Variants in CALML3 observed in about 807,000 individuals in gnomAD.
CALML3 encodes calmodulin-like protein 3.
For synonymous variants in CALML3, 98 were observed against 89.9 expected (o/e 1.09, Z -0.51); for missense variants, 198 against 214.1 (o/e 0.92, Z 0.47).
In CALML3 at chr10:5,525,544, C is replaced by T. The variant is rs751701412; in HGVS notation, c.*9C>T. The T allele has an allele frequency of 1.9e-6, 3 of 1,575,612 alleles. No homozygotes were observed. The Admixed American group carries it at 5.2e-5, about 27-fold the overall frequency. On this transcript the variant is annotated 3_prime_UTR_variant, in exon 1 of 1. Coordinates refer to ENST00000315238, the MANE Select transcript of CALML3 (RefSeq NM_005185.4). Reference sequence around the variant, plus strand: ...TGCTGGTGTCCAAGTGAGGCCGGCGCCCACCATGCTCCTGGGCGCCCACGC... The same window carrying T: ...TGCTGGTGTCCAAGTGAGGCCGGCGTCCACCATGCTCCTGGGCGCCCACGC...
chr10:5,525,545 C>A lies in CALML3; in HGVS notation c.*10C>A, dbSNP rs1174076117. On this transcript the variant is annotated 3_prime_UTR_variant, in exon 1 of 1. Transcript: ENST00000315238. ...GCTGGTGTCCAAGTGAGGCCGGCGC[C>A]CACCATGCTCCTGGGCGCCCACGCG... 1 of 1,572,580 alleles carries A rather than the reference C, an allele frequency of 6.4e-7. No individual in the cohort carries two copies. The highest frequency in any genetic ancestry group is 1.7e-5 in the Admixed American group (1 of 57,606).
In CALML3 at chr10:5,525,100, G is replaced by C; in HGVS notation, c.15G>C (p.Leu5=). ...CCACCCCTGGCATGGCCGACCAGCTGACTGAGGAGCAGGTCACAGAATTCA... is the reference window on the plus strand; with the variant it reads ...CCACCCCTGGCATGGCCGACCAGCTCACTGAGGAGCAGGTCACAGAATTCA... MADQ[L]TEEQVTEFKE... Residue 5 remains leucine, a synonymous_variant, in exon 1 of 1, where the codon CTG becomes CTC. Transcript: ENST00000315238. 1 of 1,603,848 alleles carries C rather than the reference G, an allele frequency of 6.2e-7. No individual in the cohort carries two copies. Among genetic ancestry groups the C allele is most frequent in the South Asian group, 1.1e-5 (1 of 90,478 alleles).
rs1318997375 is a variant in CALML3 at position 5,525,246 on chromosome 10, G to A, written c.161G>A (p.Ser54Asn). The A allele has an allele frequency of 6.2e-7, 1 of 1,613,968 alleles. No individual in the cohort carries two copies. Among genetic ancestry groups the A allele is most frequent in the South Asian group, 1.1e-5 (1 of 91,076 alleles). Residue 54 changes from serine to asparagine, a missense_variant, in exon 1 of 1, where the codon AGT (serine) becomes AAT (asparagine). Physicochemically the swap from Ser to Asn is conservative, Grantham distance 46. Coordinates refer to ENST00000315238, the MANE Select transcript of CALML3 (RefSeq NM_005185.4). ...PTEAELRDMMSEIDRDGNGTV... is the reference protein window; with the variant it reads ...PTEAELRDMMNEIDRDGNGTV... ...GAGGCCGAGCTGCGGGACATGATGA[G>A]TGAGATCGACCGGGACGGCAACGGC...
chr10:5,525,857 C>T lies in CALML3; in HGVS notation c.*322C>T. The T allele has an allele frequency of 9.7e-7, 1 of 1,034,602 alleles. No individual in the cohort carries two copies. The highest frequency in any genetic ancestry group is 4.7e-5 in the East Asian group (1 of 21,460). 64.1% of individuals were successfully genotyped at this position (1,034,602 alleles called of 1,614,324 possible). A position where few individuals can be genotyped will look rare whatever the true frequency, so the allele number is the denominator to read the frequency against. On this transcript the variant is annotated 3_prime_UTR_variant, in exon 1 of 1. Transcript: ENST00000315238. ...GCGCTGACTCTGCGGCCCTCCAGGA[C>T]GGACACCGGGTGACCCCTTAGGGCA...
At position 5,524,961 on chromosome 10, in the gene CALML3, G is replaced by A. The variant is rs1366145067; in HGVS notation, c.-125G>A. ...AAGCTCCAGCGTCTCAAGCCAGGGC[G>A]AGACAGCCCGCCGGCCGCCCGGATC... On this transcript the variant is annotated 5_prime_UTR_variant, in exon 1 of 1. Coordinates refer to ENST00000315238, the MANE Select transcript of CALML3 (RefSeq NM_005185.4). 1 of 675,074 alleles carries A rather than the reference G, an allele frequency of 1.5e-6. No homozygotes were observed. Among genetic ancestry groups the A allele is most frequent in the Non-Finnish European group, 2.5e-6 (1 of 401,348 alleles). 41.8% of individuals were successfully genotyped at this position (675,074 alleles called of 1,614,324 possible). A position where few individuals can be genotyped will look rare whatever the true frequency, so the allele number is the denominator to read the frequency against.
Position 5,525,774 on chromosome 10 carries a change from C to T in CALML3, c.*239C>T. On this transcript the variant is annotated 3_prime_UTR_variant, in exon 1 of 1. Transcript: ENST00000315238. ...CGCTCCCACTGCAGGCAAACCGTGA[C>T]GCCCTCCCCACTCGGGAGAAGCAGA... is the stretch of plus-strand genomic sequence containing the variant. The T allele has an allele frequency of 2.8e-6, 4 of 1,413,752 alleles. No individual in the cohort carries two copies. Among genetic ancestry groups the T allele is most frequent in the African/African-American group, 1.4e-5 (1 of 69,194 alleles). 87.6% of individuals were successfully genotyped at this position (1,413,752 alleles called of 1,614,324 possible).
Position 5,525,564 on chromosome 10 carries a change from C to T in CALML3, c.*29C>T, listed in dbSNP as rs984625559. 6.5e-7 allele frequency: 1 copy of T among 1,541,774 alleles called. No homozygotes were observed. Among genetic ancestry groups the T allele is most frequent in the African/African-American group, 1.4e-5 (1 of 73,780 alleles). On this transcript the variant is annotated 3_prime_UTR_variant, in exon 1 of 1. Coordinates refer to ENST00000315238, the MANE Select transcript of CALML3 (RefSeq NM_005185.4). ...CGGCGCCCACCATGCTCCTGGGCGC[C>T]CACGCGGCCCACAGGGCAAGAACCC...
Position 5,525,755 on chromosome 10 carries a change from C to T in CALML3, c.*220C>T, listed in dbSNP as rs1012815371. On this transcript the variant is annotated 3_prime_UTR_variant, in exon 1 of 1. Transcript: ENST00000315238. ...TCGTCTGAATGACACGGAACGCTCC[C>T]ACTGCAGGCAAACCGTGACGCCCTC... 1.4e-6 allele frequency: 2 copies of T among 1,430,708 alleles called. No individual in the cohort carries two copies. Among genetic ancestry groups the T allele is most frequent in the Admixed American group, 2.9e-5 (1 of 34,210 alleles). The allele number at this position is 1,430,708 out of a possible 1,614,324, so 88.6% of individuals were successfully genotyped here. A position where few individuals can be genotyped will look rare whatever the true frequency, so the allele number is the denominator to read the frequency against.
In CALML3 at chr10:5,525,011, A is replaced by T; in HGVS notation, c.-75A>T. 2 of 1,155,698 alleles carry T rather than the reference A, an allele frequency of 1.7e-6. No homozygotes were observed. The highest frequency in any genetic ancestry group is 2.5e-6 in the Non-Finnish European group (2 of 811,578). The allele number at this position is 1,155,698 out of a possible 1,614,324, so 71.6% of individuals were successfully genotyped here. ...CTCCACCTGCCACCCCAGAGCTGGG[A>T]CAGCAGCCGGGCTGCGGCACTGGGA... On this transcript the variant is annotated 5_prime_UTR_variant, in exon 1 of 1. Transcript: ENST00000315238.
At position 5,525,072 on chromosome 10, in the gene CALML3, C is replaced by T. The variant is rs1037551867; in HGVS notation, c.-14C>T. On this transcript the variant is annotated 5_prime_UTR_variant, in exon 1 of 1. Transcript: ENST00000315238. ...ACAGTGGCCTCTTCTGCCACCCACG[C>T]CCCCACCCCTGGCATGGCCGACCAG... 37 of 1,571,532 alleles carry T rather than the reference C, an allele frequency of 2.4e-5. No homozygotes were observed. The highest frequency in any genetic ancestry group is 3.2e-5 in the Non-Finnish European group (37 of 1,151,878).
At position 5,525,284 on chromosome 10, in the gene CALML3, C is replaced by T. The variant is rs75808734; in HGVS notation, c.199C>T (p.Pro67Ser). 3.1e-4 allele frequency: 504 copies of T among 1,613,904 alleles called. No individual in the cohort carries two copies. The African/African-American group carries it at 6.3e-3, about 20-fold the overall frequency. ...GGACGGCAACGGCACCGTGGACTTC[C>T]CCGAGTTCCTGGGCATGATGGCCAG... ...DRDGNGTVDF[P>S]EFLGMMARKM... The change falls in exon 1 of 1, where the codon CCC becomes TCC. Residue 67 changes from proline to serine, a missense_variant. By Grantham distance (74) the Pro-to-Ser change is moderately conservative. Coordinates refer to ENST00000315238, the MANE Select transcript of CALML3 (RefSeq NM_005185.4).
Position 5,525,222 on chromosome 10 carries a change from A to G in CALML3, c.137A>G (p.Glu46Gly). Reference sequence around the variant, plus strand: ...CGGTCCCTGGGCCAGAACCCCACGGAGGCCGAGCTGCGGGACATGATGAGT... The same window carrying G: ...CGGTCCCTGGGCCAGAACCCCACGGGGGCCGAGCTGCGGGACATGATGAGT... ...VMRSLGQNPT[E>G]AELRDMMSEI... is the part of the protein sequence containing the mutation. Residue 46 changes from glutamate to glycine, a missense_variant, in exon 1 of 1, where the codon GAG becomes GGG. By Grantham distance (98) the Glu-to-Gly change is moderately conservative. Coordinates refer to ENST00000315238, the MANE Select transcript of CALML3 (RefSeq NM_005185.4). 1.9e-6 allele frequency: 3 copies of G among 1,613,938 alleles called. No individual in the cohort carries two copies. Among genetic ancestry groups the G allele is most frequent in the Non-Finnish European group, 2.5e-6 (3 of 1,179,990 alleles).
In CALML3 at chr10:5,525,873, C is replaced by A; in HGVS notation, c.*338C>A. On this transcript the variant is annotated 3_prime_UTR_variant, in exon 1 of 1. Transcript: ENST00000315238. Reference sequence around the variant, plus strand: ...CCTCCAGGACGGACACCGGGTGACCCCTTAGGGCACCCAGGCAAGATCCCT... The same window carrying A: ...CCTCCAGGACGGACACCGGGTGACCACTTAGGGCACCCAGGCAAGATCCCT... 3 of 796,122 alleles carry A rather than the reference C, an allele frequency of 3.8e-6. No individual in the cohort carries two copies. Among genetic ancestry groups the A allele is most frequent in the South Asian group, 8.7e-5 (2 of 22,882 alleles). The allele number at this position is 796,122 out of a possible 1,614,324, so 49.3% of individuals were successfully genotyped here. A position where few individuals can be genotyped will look rare whatever the true frequency, so the allele number is the denominator to read the frequency against.
chr10:5,525,081 C>G lies in CALML3; in HGVS notation c.-5C>G. The stretch of plus-strand genomic sequence containing the variant: ...TCTTCTGCCACCCACGCCCCCACCC[C>G]TGGCATGGCCGACCAGCTGACTGAG... On this transcript the variant is annotated 5_prime_UTR_variant, in exon 1 of 1. Transcript: ENST00000315238. The G allele has an allele frequency of 6.3e-7, 1 of 1,590,206 alleles. No homozygotes were observed. The highest frequency in any genetic ancestry group is 8.6e-7 in the Non-Finnish European group (1 of 1,164,726).
At position 5,525,569 on chromosome 10, in the gene CALML3, C is replaced by G. The variant is rs1251258488; in HGVS notation, c.*34C>G. 5 of 1,539,234 alleles carry G rather than the reference C, an allele frequency of 3.2e-6. No homozygotes were observed. Among genetic ancestry groups the G allele is most frequent in the Non-Finnish European group, 4.4e-6 (5 of 1,140,196 alleles). ...CCCACCATGCTCCTGGGCGCCCACG[C>G]GGCCCACAGGGCAAGAACCCGGGGC... On this transcript the variant is annotated 3_prime_UTR_variant, in exon 1 of 1. Coordinates refer to ENST00000315238, the MANE Select transcript of CALML3 (RefSeq NM_005185.4).
rs2231420 is a variant in CALML3, at chr10:5,525,179, G to T, written c.94G>T (p.Glu32Ter). The T allele has an allele frequency of 3.7e-6, 6 of 1,613,936 alleles. No individual in the cohort carries two copies. In the Admixed American group the frequency reaches 1.0e-4, roughly 27 times the overall value. Residue 32 changes from glutamate to a stop codon, truncating the protein, a stop_gained, in exon 1 of 1, where the codon GAG becomes TAG. Transcript: ENST00000315238. LOFTEE classifies it low-confidence loss of function (END_TRUNC). Reference protein sequence around the residue: ...KDGDGCITTRELGTVMRSLGQ... With the variant: ...KDGDGCITTR ...TGGGGACGGCTGCATCACCACCCGC[G>T]AGCTGGGCACGGTCATGCGGTCCCT... is the stretch of plus-strand genomic sequence containing the variant.
At position 5,525,479 on chromosome 10, in the gene CALML3, G is replaced by A. The variant is rs150775640; in HGVS notation, c.394G>A (p.Asp132Asn). 16 of 1,612,994 alleles carry A rather than the reference G, an allele frequency of 9.9e-6. No individual in the cohort carries two copies. The highest frequency in any genetic ancestry group is 1.7e-4 in the Middle Eastern group (1 of 6,060). ...CGAGATGATCCGGGCCGCGGACACGGACGGAGACGGACAGGTGAACTACGA... is the reference window on the plus strand; with the variant it reads ...CGAGATGATCCGGGCCGCGGACACGAACGGAGACGGACAGGTGAACTACGA... ...VDEMIRAADT[D>N]GDGQVNYEEF... The change falls in exon 1 of 1, where the codon GAC becomes AAC. Residue 132 changes from aspartate to asparagine, a missense_variant. By Grantham distance (23) the Asp-to-Asn change is conservative. Transcript: ENST00000315238.
In CALML3 at chr10:5,525,783, C is replaced by T. The variant is rs1003107383; in HGVS notation, c.*248C>T. 1.2e-5 allele frequency: 17 copies of T among 1,406,184 alleles called. No homozygotes were observed. The African/African-American group carries it at 2.3e-4, about 19-fold the overall frequency. 87.1% of individuals were successfully genotyped at this position (1,406,184 alleles called of 1,614,324 possible). The stretch of plus-strand genomic sequence containing the variant: ...TGCAGGCAAACCGTGACGCCCTCCC[C>T]ACTCGGGAGAAGCAGAGCTGACCTT... On this transcript the variant is annotated 3_prime_UTR_variant, in exon 1 of 1. Coordinates refer to ENST00000315238, the MANE Select transcript of CALML3 (RefSeq NM_005185.4).
Position 5,526,620 on chromosome 10 carries a change from A to T in CALML3, c.*1085A>T, listed in dbSNP as rs1292368128. On this transcript the variant is annotated 3_prime_UTR_variant, in exon 1 of 1. Transcript: ENST00000315238. ...GTGAGGGGTTGGGGGGCAGTTGGGC[A>T]CACACAGTGTAAGAGCAATTCAGAG... The T allele has an allele frequency of 1.8e-5, 3 of 167,328 alleles. No homozygotes were observed. The highest frequency in any genetic ancestry group is 2.9e-5 in the Non-Finnish European group (2 of 68,346). The allele number at this position is 167,328 out of a possible 1,614,324, so 10.4% of individuals were successfully genotyped here.
Sources: gnomAD v4.1 joint callset for allele counts on GRCh38, gnomAD v4.1.1 for gene constraint, MANE v1.5 for transcripts, NCBI Gene and HGNC (gene_info 2026-07-23, HGNC 2026-07-21) for gene names.